Variants in NTM observed in about 807,000 individuals in gnomAD.
NTM encodes neurotrimin, also known as IgLON family member 2.
A neutral mutation model predicts 42.1 loss-of-function variants in NTM; 13 were observed. The observed-to-expected ratio is 0.31, with a 90% CI of 0.20 to 0.49. The LOEUF (loss-of-function observed/expected upper bound fraction) is 0.49. Among genes scored for constraint, NTM ranks in the 20% least tolerant of loss-of-function variants. The pLI is 0.99. For synonymous variants in NTM, 187 were observed against 179.2 expected, an observed-to-expected ratio of 1.04 and a Z score of -0.35; for missense variants, 373 against 452.8, an observed-to-expected ratio of 0.82 and a Z score of 1.60.
At chr11:131,440,009 AT>A (rs202098509) in intron 1 of NTM, among the ~76,000 whole-genome samples, 1,794 of 151,008 alleles carry the variant, frequency 0.012, 41 homozygotes, top group African/African-American at 0.042. Context: ...AGTTTTGAAA[AT>A]GTATCTTGTG....
intron 2 of NTM, among the ~76,000 whole-genome samples, chr11:132,131,130 G>A (rs941940587): frequency 4.6e-5 from 7 of 152,238 alleles, no homozygotes; most frequent in Admixed American, 6.5e-5. Context: ...GAAAGCTTTT[G>A]TGGAGCACAA....
chr11:131,632,697 C>T lies in NTM; in HGVS notation c.82+261809C>T, dbSNP rs1345232862. ...GCTTTTTTTTTTTTTTTTTTTGAGA[C>T]GGAGTTTCGCTCTGTCGCCCAGGCT... On this transcript the variant is annotated intron_variant, in intron 1 of 8. Transcript: ENST00000683400. Among the ~76,000 whole-genome samples the T allele has an allele frequency of 2.5e-3, 16 of 6,340 alleles. 1 individual carries two copies. Among genetic ancestry groups the T allele is most frequent in the South Asian group, 0.018 (6 of 330 alleles). 4.2% of individuals were successfully genotyped at this position (6,340 alleles called of 152,430 possible).
At position 131,871,947 on chromosome 11, in the gene NTM, G is replaced by A. The variant is rs565581071; in HGVS notation, c.83-39617G>A. On this transcript the variant is annotated intron_variant, in intron 1 of 8. Coordinates refer to ENST00000683400, the MANE Select transcript of NTM (RefSeq NM_001352005.2). ...TTTCAGTCCTAAAATTTGGAGGAAT[G>A]TGTCAGTATCTTCAAGGGATTTCCA... Among the ~76,000 whole-genome samples the A allele has an allele frequency of 2.0e-5, 3 of 152,282 alleles. No individual in the cohort carries two copies. The South Asian group carries it at 6.2e-4, about 32-fold the overall frequency.
chr11:131,542,989 C>T lies in NTM; in HGVS notation c.82+172101C>T, dbSNP rs145639143. Among the ~76,000 whole-genome samples the T allele has an allele frequency of 3.9e-4, 60 of 152,298 alleles. 1 individual carries two copies. Among genetic ancestry groups the T allele is most frequent in the African/African-American group, 1.4e-3 (58 of 41,550 alleles). On this transcript the variant is annotated intron_variant, in intron 1 of 8. Transcript: ENST00000683400. ...AGGCCCATAGCCTGGAGAACATGTC[C>T]CTGGTGCCCCTTCCTCTGGACGCCT... is the stretch of plus-strand genomic sequence containing the variant.
intron 1 of NTM, among the ~76,000 whole-genome samples, chr11:131,793,050 G>A (rs112451409): frequency 2.6e-5 from 4 of 152,316 alleles, no homozygotes; most frequent in Admixed American, 1.3e-4. Context: ...CCCTGGAACC[G>A]CTCCTTAGCG....
chr11:131,673,896 C>G (rs933566843), intron 1 of NTM, among the ~76,000 whole-genome samples: 1 of 152,232 alleles, frequency 6.6e-6, no homozygotes, highest in African/African-American at 2.4e-5. Flanking sequence ...CTCCACTCCC[C>G]CGTCTGTTGG....
In NTM at chr11:131,913,072, A is replaced by G. The variant is rs375285289; in HGVS notation, c.167+1424A>G. On this transcript the variant is annotated intron_variant, in intron 2 of 8. Coordinates refer to ENST00000683400, the MANE Select transcript of NTM (RefSeq NM_001352005.2). ...CCACTCTTCTGAGCAAAAATAAAGC[A>G]ACTTCCTTCCCCCACTCAGAAATGA... Among the ~76,000 whole-genome samples, 192 of 152,302 alleles carry G rather than the reference A, an allele frequency of 1.3e-3. 2 individuals are homozygous for G. Among genetic ancestry groups the G allele is most frequent in the African/African-American group, 4.4e-3 (181 of 41,556 alleles).
At chr11:132,290,535 C>T (rs952953531) in intron 4 of NTM, among the ~76,000 whole-genome samples, 3 of 152,128 alleles carry the variant, frequency 2.0e-5, no homozygotes, top group African/African-American at 7.2e-5. Context: ...GAAGAATTAA[C>T]ATTGACCTAG....
chr11:131,812,679 G>A (rs572602011), intron 1 of NTM, among the ~76,000 whole-genome samples: 107 of 152,210 alleles, frequency 7.0e-4, no homozygotes, highest in African/African-American at 2.4e-3. Flanking sequence ...GTGGAGGGGA[G>A]CTGTCTGATA....
intron 1 of NTM, among the ~76,000 whole-genome samples, chr11:131,523,648 G>A (rs2050051176): frequency 6.6e-6 from 1 of 152,014 alleles, no homozygotes; most frequent in African/African-American, 2.4e-5. Flanking sequence ...AAATTAGCCA[G>A]GTGTGTGGCA....
At chr11:131,948,366 A>AAAAAACC (rs1246642270) in intron 2 of NTM, among the ~76,000 whole-genome samples, 1 of 69,562 alleles carries the variant, frequency 1.4e-5, no homozygotes, top group East Asian at 1.6e-3. Context: ...CTCCATCTCA[A>AAAAAACC]AAAAAACAAA....
At chr11:132,029,297 G>C (rs546306457) in intron 2 of NTM, among the ~76,000 whole-genome samples, 1 of 151,626 alleles carries the variant, frequency 6.6e-6, no homozygotes, top group East Asian at 1.9e-4. Flanking sequence ...CCAGTAACTC[G>C]TCATTTAACA....
chr11:131,915,730 G>A (rs1565728346), intron 2 of NTM, among the ~76,000 whole-genome samples: 1 of 152,080 alleles, frequency 6.6e-6, no homozygotes, highest in Non-Finnish European at 1.5e-5. Flanking sequence ...GAAGGCAAAA[G>A]GCACATTTTA....
At chr11:131,659,540 T>C (rs559297503) in intron 1 of NTM, among the ~76,000 whole-genome samples, 1 of 152,340 alleles carries the variant, frequency 6.6e-6, no homozygotes, top group South Asian at 2.1e-4. Context: ...TCAATTGTAT[T>C]TAGTTTTACA....
At chr11:131,520,718 C>T (rs770689131) in intron 1 of NTM, among the ~76,000 whole-genome samples, 16 of 151,310 alleles carry the variant, frequency 1.1e-4, no homozygotes, top group South Asian at 2.1e-4. Flanking sequence ...TTTATCTCTA[C>T]GACTTAGAAG....
At chr11:132,006,249 TC>T (rs1395907493) in intron 2 of NTM, among the ~76,000 whole-genome samples, 1 of 152,100 alleles carries the variant, frequency 6.6e-6, no homozygotes, top group African/African-American at 2.4e-5. Context: ...ATCTCTCAAC[TC>T]AAAAATGGCG....
At chr11:131,542,953 T>C (rs1462060454) in intron 1 of NTM, among the ~76,000 whole-genome samples, 1 of 152,044 alleles carries the variant, frequency 6.6e-6, no homozygotes, top group Non-Finnish European at 1.5e-5. Context: ...CCCAAAACAA[T>C]CCAAAATACG....
At chr11:131,643,793 C>G (rs2065434260) in intron 1 of NTM, among the ~76,000 whole-genome samples, 2 of 151,254 alleles carry the variant, frequency 1.3e-5, no homozygotes, top group South Asian at 4.2e-4. Flanking sequence ...TCACAGAATA[C>G]AGGGCCAGGC....
chr11:131,768,255 A>T (rs138788895), intron 1 of NTM, among the ~76,000 whole-genome samples: 6,896 of 151,058 alleles, frequency 0.046, 176 homozygotes, highest in South Asian at 0.082. Flanking sequence ...AGTAGCTGGG[A>T]TTATAGGCAT....
Sources: gnomAD v4.1 joint callset for allele counts (sites outside exome capture counted in the v4.1 genomes callset) on GRCh38, gnomAD v4.1.1 for gene constraint, MANE v1.5 for transcripts, NCBI Gene and HGNC (gene_info 2026-07-23, HGNC 2026-07-21) for gene names.